Variants in TMEFF1 observed in about 807,000 individuals in gnomAD.
TMEFF1 encodes the protein tomoregulin-1.
TMEFF1 carries 20 observed loss-of-function variants against 47.5 expected under a neutral mutation model. That is an observed-to-expected ratio of 0.42 (90% CI 0.30 to 0.61). The LOEUF is 0.61. Ranked by LOEUF, TMEFF1 falls within the 20% of genes least tolerant of loss-of-function variation. The pLI is 0.19. For missense variants in TMEFF1, 411 were observed against 471.1 expected, an observed-to-expected ratio of 0.87 and a Z score of 1.18; for synonymous variants, 162 against 166.3, an observed-to-expected ratio of 0.97 and a Z score of 0.20.
intron 2 of TMEFF1, among the ~76,000 whole-genome samples, chr9:100,503,066 A>G (rs193069699): frequency 3.6e-4 from 55 of 152,304 alleles, no homozygotes; most frequent in Non-Finnish European, 1.2e-4. Context: ...TTGCCAGCTT[A>G]AAAATAATGA....
chr9:100,558,118 G>A (rs751273630), intron 7 of TMEFF1, among the ~76,000 whole-genome samples: 1 of 151,976 alleles, frequency 6.6e-6, no homozygotes, highest in African/African-American at 2.4e-5. Context: ...TTTTAATTTG[G>A]TTAACTTCCT....
intron 5 of TMEFF1, among the ~76,000 whole-genome samples, chr9:100,546,815 A>G (rs181728631): frequency 1.3e-5 from 2 of 152,206 alleles, no homozygotes; most frequent in East Asian, 3.9e-4. Flanking sequence ...TTGTTTCTCT[A>G]TTCCTAACTA....
chr9:100,570,499 T>C lies in TMEFF1; in HGVS notation c.900-2019T>C, dbSNP rs191068219. 1.9e-3 allele frequency among the ~76,000 whole-genome samples: 286 copies of C among 152,286 alleles called. 2 individuals carry two copies. Among genetic ancestry groups the C allele is most frequent in the African/African-American group, 6.6e-3 (275 of 41,572 alleles). ...AGGTCTAGCTTCATCCTTTTGTGTGTGGATATCCAGTTAGCACCATTTGTT... is the reference window on the plus strand; with the variant it reads ...AGGTCTAGCTTCATCCTTTTGTGTGCGGATATCCAGTTAGCACCATTTGTT... On this transcript the variant is annotated intron_variant, in intron 8 of 9. Coordinates refer to ENST00000374879, the MANE Select transcript of TMEFF1 (RefSeq NM_003692.5).
chr9:100,521,188 T>G (rs1838154596), intron 5 of TMEFF1, among the ~76,000 whole-genome samples: 1 of 152,234 alleles, frequency 6.6e-6, no homozygotes, highest in South Asian at 2.1e-4. Flanking sequence ...TGTATGTGTT[T>G]TATCTGTCTT....
chr9:100,539,022 A>G (rs1294068886), intron 5 of TMEFF1, among the ~76,000 whole-genome samples: 1 of 151,944 alleles, frequency 6.6e-6, no homozygotes, highest in African/African-American at 2.4e-5. Context: ...TTCATGCTTC[A>G]CAGCCTCCTG....
chr9:100,540,648 C>T (rs1434101022), intron 5 of TMEFF1, among the ~76,000 whole-genome samples: 5 of 152,230 alleles, frequency 3.3e-5, no homozygotes, highest in African/African-American at 7.2e-5. Flanking sequence ...GTGCTGAGAG[C>T]GGGTGAGGGC....
intron 9 of TMEFF1, among the ~76,000 whole-genome samples, chr9:100,572,905 A>G (rs1194761506): frequency 6.6e-6 from 1 of 151,984 alleles, no homozygotes; most frequent in Non-Finnish European, 1.5e-5. Context: ...AGTCAATGAG[A>G]TAAAGGAATT....
At chr9:100,529,881 A>G (rs1332016645) in intron 5 of TMEFF1, among the ~76,000 whole-genome samples, 1 of 152,236 alleles carries the variant, frequency 6.6e-6, no homozygotes, top group Non-Finnish European at 1.5e-5. Context: ...AACAGAAATT[A>G]TAACAAATTA....
chr9:100,515,525 T>C (rs1838050928), intron 4 of TMEFF1, among the ~76,000 whole-genome samples: 1 of 152,120 alleles, frequency 6.6e-6, no homozygotes, highest in Non-Finnish European at 1.5e-5. Flanking sequence ...TGGTGGCTCA[T>C]GCCTGTAATC....
chr9:100,507,739 A>G (rs1038157325), intron 2 of TMEFF1, among the ~76,000 whole-genome samples: 2 of 152,268 alleles, frequency 1.3e-5, no homozygotes, highest in East Asian at 3.9e-4. Context: ...TCAAAAGGTA[A>G]TTCTTAATGA....
At position 100,527,899 on chromosome 9, in the gene TMEFF1, C is replaced by T. The variant is rs575009639; in HGVS notation, c.560+11128C>T. Among the ~76,000 whole-genome samples the T allele has an allele frequency of 4.2e-3, 644 of 152,294 alleles. 4 individuals are homozygous for T. Among genetic ancestry groups the T allele is most frequent in the African/African-American group, 0.015 (606 of 41,554 alleles). The stretch of plus-strand genomic sequence containing the variant: ...CAGCACGCAGCTGGAGATCTGAGAA[C>T]AGGCAGACTGCCTCCTCAAGTGGCT... On this transcript the variant is annotated intron_variant, in intron 5 of 9. Transcript: ENST00000374879.
chr9:100,533,363 G>T (rs965331061), intron 5 of TMEFF1, among the ~76,000 whole-genome samples: 21 of 151,950 alleles, frequency 1.4e-4, no homozygotes, highest in Non-Finnish European at 2.9e-4. Flanking sequence ...GAACTTGATA[G>T]AATTTTTAAA....
chr9:100,555,607 TAC>T lies in TMEFF1; in HGVS notation c.775+5448_775+5449del. ...TGTAATTAGGGACAGTAATATCTAC[TAC>T]CTAAGATCACTATGAATATTAAACA... On this transcript the variant is annotated intron_variant, in intron 7 of 9. Transcript: ENST00000374879. Among the ~76,000 whole-genome samples, 3 of 152,326 alleles carry T rather than the reference TAC, an allele frequency of 2.0e-5. No homozygotes were observed. The South Asian group carries it at 6.2e-4, about 32-fold the overall frequency.
intron 5 of TMEFF1, chr9:100,518,319 AAT>A (rs1460745129): frequency 2.7e-6 from 1 of 376,864 alleles, no homozygotes; most frequent in Non-Finnish European, 3.6e-6. Flanking sequence ...CTCATAGTGT[AAT>A]ATGTAGCCTA....
chr9:100,489,861 C>G (rs1837517564), intron 1 of TMEFF1, among the ~76,000 whole-genome samples: 1 of 152,162 alleles, frequency 6.6e-6, no homozygotes, highest in Non-Finnish European at 1.5e-5. Context: ...GAGAGTGTCA[C>G]AGCTCTGAGA....
chr9:100,537,701 A>T (rs1420165140), intron 5 of TMEFF1, among the ~76,000 whole-genome samples: 2 of 151,968 alleles, frequency 1.3e-5, no homozygotes, highest in Non-Finnish European at 2.9e-5. Context: ...AGATACAGAG[A>T]TATTATGACT....
At chr9:100,508,513 G>T (rs368484849) in intron 2 of TMEFF1, among the ~76,000 whole-genome samples, 1 of 151,018 alleles carries the variant, frequency 6.6e-6, no homozygotes, top group South Asian at 2.1e-4. Flanking sequence ...TTTCCTACTC[G>T]TATGACTCTC....
intron 5 of TMEFF1, among the ~76,000 whole-genome samples, chr9:100,518,214 C>G (rs1838105898): frequency 6.6e-6 from 1 of 152,080 alleles, no homozygotes; most frequent in Non-Finnish European, 1.5e-5. Flanking sequence ...TGTCTGTAAT[C>G]CCAGTGCTTT....
At chr9:100,535,675 G>T (rs1393733275) in intron 5 of TMEFF1, among the ~76,000 whole-genome samples, 4 of 152,202 alleles carry the variant, frequency 2.6e-5, no homozygotes, top group African/African-American at 9.7e-5. Context: ...GGAGGCTGAG[G>T]CAGGCTTGGA....
Sources: allele counts gnomAD v4.1 joint callset (sites outside exome capture counted in the v4.1 genomes callset), GRCh38; gene constraint gnomAD v4.1.1; transcripts MANE v1.5; gene names NCBI Gene and HGNC (gene_info 2026-07-23, HGNC 2026-07-21).